The following MIDN variants were observed in gnomAD, a reference collection of about 807,000 sequenced individuals.
The protein encoded by MIDN is midnolin, also known as midbrain nucleolar protein.
A neutral mutation model predicts 46.1 loss-of-function variants in MIDN; 26 were observed. The ratio of observed to expected loss-of-function variants is 0.56; its 90% CI spans 0.41 to 0.78. The LOEUF (loss-of-function observed/expected upper bound fraction) is 0.78, where lower values mean the gene tolerates loss of function less well. MIDN is among the 30% of genes least tolerant of loss of function. The probability of loss-of-function intolerance (pLI) is 0.00; values close to 1 mark genes in which losing one functional copy is unlikely to be tolerated. For missense variants in MIDN, 850 were observed against 771.8 expected (o/e 1.10, Z -1.20); for synonymous variants, 432 against 343.3 (o/e 1.26, Z -2.86).
chr19:1,254,112 G>C (rs1390618443), intron 5 of MIDN, 30 bp downstream of exon 5: 15 of 1,551,962 alleles, frequency 9.7e-6, no homozygotes, highest in African/African-American at 1.4e-5. Context: ...GGGCCGGGCT[G>C]GGCTGGGGGC....
Position 1,254,284 on chromosome 19 carries a change from G to T in MIDN, c.631G>T (p.Val211Leu). 1 of 1,578,776 alleles carries T rather than the reference G, an allele frequency of 6.3e-7. No individual in the cohort carries two copies. Among genetic ancestry groups the T allele is most frequent in the Non-Finnish European group, 8.5e-7 (1 of 1,169,802 alleles). ...GCACGCTCCACTGCAACACCGCCAT[G>T]TGCTGGCCGCTGCGGCCGCCGCCGC... ...AQHAPLQHRH[V>L]LAAAAAAAAA... Residue 211 changes from valine to leucine, a missense_variant, in exon 6 of 9, where the codon GTG (valine) becomes TTG (leucine). Physicochemically the swap from Val to Leu is conservative, Grantham distance 32. Coordinates refer to ENST00000682408, the MANE Select transcript of MIDN (RefSeq NM_001388306.1).
At position 1,257,366 on chromosome 19, in the gene MIDN, GGC is replaced by G; in HGVS notation, c.*95_*96del. On this transcript the variant is annotated 3_prime_UTR_variant, in exon 9 of 9. Coordinates refer to ENST00000682408, the MANE Select transcript of MIDN (RefSeq NM_001388306.1). ...GAGAGAACGTGGCCCAGCCCTGGAG[GGC>G]AGGCGGCCACTCCCCCAGCCAGAAG... 1 of 992,098 alleles carries G rather than the reference GGC, an allele frequency of 1.0e-6. No homozygotes were observed. Among genetic ancestry groups the G allele is most frequent in the Non-Finnish European group, 1.5e-6 (1 of 653,384 alleles). 61.5% of individuals were successfully genotyped at this position (992,098 alleles called of 1,614,324 possible). A position where few individuals can be genotyped will look rare whatever the true frequency, so the allele number is the denominator to read the frequency against.
In MIDN at chr19:1,251,920, C is replaced by G. The variant is rs371250351; in HGVS notation, c.384+19C>G. The stretch of plus-strand genomic sequence containing the variant: ...GACGCAGGTAAGACCTCGCCAGCCC[C>G]TTCCTAACAGGGCAGCCCTGGGAGC... On this transcript the variant is annotated intron_variant, in intron 4 of 8. Transcript: ENST00000682408. The G allele has an allele frequency of 6.8e-5, 109 of 1,609,762 alleles. No individual in the cohort carries two copies. Among genetic ancestry groups the G allele is most frequent in the Non-Finnish European group, 8.8e-5 (104 of 1,177,336 alleles).
At chr19:1,252,065 TCCC>T (rs1309368320) in intron 4 of MIDN, among the ~76,000 whole-genome samples, 164 bp downstream of exon 4, 1 of 151,820 alleles carries the variant, frequency 6.6e-6, no homozygotes, top group African/African-American at 2.4e-5. Context: ...CCACCTCCTC[TCCC>T]CCAAGATTCA....
intron 2 of MIDN, chr19:1,251,226 G>A (rs993183923): frequency 3.5e-6 from 1 of 289,090 alleles, no homozygotes; most frequent in Non-Finnish European, 6.5e-6. Context: ...GGAATTGGGG[G>A]CAGGGGCTGC....
In MIDN at chr19:1,250,343, C is replaced by T. The variant is rs919756257; in HGVS notation, c.47C>T (p.Pro16Leu). Reference protein sequence around the residue: ...GGARSCRRGAPGGACELGPAA... With the variant: ...GGARSCRRGALGGACELGPAA... ...GCCCGGAGCTGCCGGCGCGGGGCCC[C>T]CGGCGGCGCCTGCGAGCTGGGCCCG... The change falls in exon 2 of 9, where the codon CCC becomes CTC. Residue 16 changes from proline to leucine, a missense_variant. Physicochemically the swap from Pro to Leu is moderately conservative, Grantham distance 98. Coordinates refer to ENST00000682408, the MANE Select transcript of MIDN (RefSeq NM_001388306.1). 11 of 1,045,010 alleles carry T rather than the reference C, an allele frequency of 1.1e-5. No individual in the cohort carries two copies. In the African/African-American group the frequency reaches 1.9e-4, roughly 18 times the overall value. 64.7% of individuals were successfully genotyped at this position (1,045,010 alleles called of 1,614,324 possible).
chr19:1,253,374 C>A (rs888961745), intron 4 of MIDN, among the ~76,000 whole-genome samples: 7 of 151,796 alleles, frequency 4.6e-5, no homozygotes, highest in Admixed American at 4.6e-4. Flanking sequence ...GGGAGGCGGT[C>A]GGTTCTGAGT....
chr19:1,254,460 C>G lies in MIDN; in HGVS notation c.807C>G (p.Ala269=), dbSNP rs771512586. The change falls in exon 6 of 9, where the codon GCC becomes GCG. Residue 269 remains alanine, a synonymous_variant. Transcript: ENST00000682408. ...CCGGCTCCTTCCGGTCCCACGCAGCCTCCACCACCTGCCCGGAGGTGAGCC... is the reference window on the plus strand; with the variant it reads ...CCGGCTCCTTCCGGTCCCACGCAGCGTCCACCACCTGCCCGGAGGTGAGCC... The part of the protein sequence containing the change: ...ITAGSFRSHA[A]STTCPEQMDC... 2 of 1,560,036 alleles carry G rather than the reference C, an allele frequency of 1.3e-6. No homozygotes were observed. The highest frequency in any genetic ancestry group is 2.3e-5 in the South Asian group (2 of 85,776).
At chr19:1,249,147 C>T (rs2081090228) in intron 1 of MIDN, among the ~76,000 whole-genome samples, 1 of 150,096 alleles carries the variant, frequency 6.7e-6, no homozygotes, top group Admixed American at 6.6e-5. Context: ...CGCCGCGTCA[C>T]GTCACGGCTC....
In MIDN at chr19:1,252,068, C is replaced by G. The variant is rs2081136610; in HGVS notation, c.384+167C>G. 2.0e-5 allele frequency among the ~76,000 whole-genome samples: 3 copies of G among 152,140 alleles called. No homozygotes were observed. The South Asian group carries it at 6.2e-4, about 31-fold the overall frequency. ...GGCCTGGCCTCCCCACCTCCTCTCC[C>G]CCAAGATTCACCACCTGACCCGGAG... On this transcript the variant is annotated intron_variant, in intron 4 of 8. Coordinates refer to ENST00000682408, the MANE Select transcript of MIDN (RefSeq NM_001388306.1).
Position 1,250,444 on chromosome 19 carries a change from G to T in MIDN, c.148G>T (p.Asp50Tyr). 7.2e-7 allele frequency: 1 copy of T among 1,388,780 alleles called. No individual in the cohort carries two copies. The highest frequency in any genetic ancestry group is 9.5e-7 in the Non-Finnish European group (1 of 1,049,364). 86.0% of individuals were successfully genotyped at this position (1,388,780 alleles called of 1,614,324 possible). A position where few individuals can be genotyped will look rare whatever the true frequency, so the allele number is the denominator to read the frequency against. ...GTRYDLAVPPDETVEGLRKRL... is the reference protein window; with the variant it reads ...GTRYDLAVPPYETVEGLRKRL... ...CCGCTACGACCTGGCCGTGCCGCCC[G>T]ACGAGACGGTGGAGGGGCTGCGCAA... Residue 50 changes from aspartate to tyrosine, a missense_variant, in exon 2 of 9, where the codon GAC becomes TAC. Asp to Tyr is a radical substitution (Grantham distance 160). Coordinates refer to ENST00000682408, the MANE Select transcript of MIDN (RefSeq NM_001388306.1).
rs140723918 is a variant in MIDN, at chr19:1,254,928, C to T, written c.852C>T (p.Ser284=). 1.9e-6 allele frequency: 3 copies of T among 1,609,512 alleles called. No homozygotes were observed. In the African/African-American group the frequency reaches 4.0e-5, roughly 22 times the overall value. ...PEQMDCSPTA[S]SSASPGASTT... The stretch of plus-strand genomic sequence containing the variant: ...AGATGGACTGCTCCCCCACGGCCAG[C>T]AGCAGTGCCAGTCCTGGTGCCAGCA... Residue 284 remains serine (S), a synonymous_variant, in exon 7 of 9, where the codon AGC becomes AGT. Transcript: ENST00000682408.
chr19:1,250,582 C>G (rs1049558177), intron 2 of MIDN, 53 bp downstream of exon 2: 675 of 1,019,932 alleles, frequency 6.6e-4, no homozygotes, highest in Non-Finnish European at 7.8e-4. Context: ...GGCCCCCGGG[C>G]GGGAACAAAG....
At position 1,254,091 on chromosome 19, in the gene MIDN, G is replaced by A. The variant is rs964918706; in HGVS notation, c.513+9G>A. ...GCGGCGAGAGGCCCCAGGTCACAGCGCGGGGGGACTGGGCCGGGCTGGGCT... is the reference window on the plus strand; with the variant it reads ...GCGGCGAGAGGCCCCAGGTCACAGCACGGGGGGACTGGGCCGGGCTGGGCT... On this transcript the variant is annotated intron_variant, in intron 5 of 8. Transcript: ENST00000682408. 8 of 1,526,726 alleles carry A rather than the reference G, an allele frequency of 5.2e-6. No individual in the cohort carries two copies. The highest frequency in any genetic ancestry group is 2.0e-5 in the Admixed American group (1 of 48,804). The allele number at this position is 1,526,726 out of a possible 1,614,324, so 94.6% of individuals were successfully genotyped here.
chr19:1,253,925 C>T, intron 4 of MIDN, 29 bp from the exon 5 acceptor site: 4 of 1,374,778 alleles, frequency 2.9e-6, no homozygotes, highest in Admixed American at 3.6e-5. Context: ...AGGGGCAGGC[C>T]CCCGTCTGAC....
rs1186868811 is a variant in MIDN at position 1,257,150 on chromosome 19, A to T, written c.1414A>T (p.Ser472Cys). The change falls in exon 9 of 9, where the codon AGC (serine) becomes TGC (cysteine). Residue 472 changes from serine (S) to cysteine (C), a missense_variant. Coordinates refer to ENST00000682408, the MANE Select transcript of MIDN (RefSeq NM_001388306.1). ...CAGCCGCAAGGCCGGCCGCAGCGACAGCAGTAGCAGCGGGGGCGGCGGCAG... is the reference window on the plus strand; with the variant it reads ...CAGCCGCAAGGCCGGCCGCAGCGACTGCAGTAGCAGCGGGGGCGGCGGCAG... Reference protein sequence around the residue: ...SPSRKAGRSDSSSSGGGGSPS... With the variant: ...SPSRKAGRSDCSSSGGGGSPS... The T allele has an allele frequency of 6.2e-7, 1 of 1,611,364 alleles. No homozygotes were observed. The highest frequency in any genetic ancestry group is 8.5e-7 in the Non-Finnish European group (1 of 1,179,178).
At chr19:1,255,389 G>A (rs370561812) in intron 7 of MIDN, 33 bp from the exon 8 acceptor site, 12 of 1,550,066 alleles carry the variant, frequency 7.7e-6, no homozygotes, top group African/African-American at 4.1e-5. Flanking sequence ...GACTGTGCCC[G>A]TGCCGGGCAC....
At chr19:1,252,788 C>G (rs1172653184) in intron 4 of MIDN, among the ~76,000 whole-genome samples, 1 of 152,140 alleles carries the variant, frequency 6.6e-6, no homozygotes, top group African/African-American at 2.4e-5. Context: ...TGCCCTTTCC[C>G]TACATCGCGG....
chr19:1,256,292 G>T (rs2081198250), intron 8 of MIDN, among the ~76,000 whole-genome samples: 1 of 152,304 alleles, frequency 6.6e-6, no homozygotes, highest in Middle Eastern at 3.4e-3. Context: ...GACCATCTTG[G>T]CTAACATGGT....
Sources: allele counts gnomAD v4.1 joint callset (sites outside exome capture counted in the v4.1 genomes callset), GRCh38; gene constraint gnomAD v4.1.1; transcripts MANE v1.5; gene names NCBI Gene and HGNC (gene_info 2026-07-23, HGNC 2026-07-21).